Variants in ATP2B2 observed in about 807,000 individuals in gnomAD.
ATP2B2 encodes plasma membrane calcium-transporting ATPase 2.
ATP2B2 carries 15 observed loss-of-function variants against 120.0 expected under a neutral mutation model. The ratio of observed to expected loss-of-function variants is 0.12; its 90% CI spans 0.08 to 0.19. The LOEUF (loss-of-function observed/expected upper bound fraction) is 0.19, where lower values mean the gene tolerates loss of function less well. Ranked by LOEUF, ATP2B2 falls within the 10% of genes least tolerant of loss-of-function variation. The pLI is 1.00. For missense variants in ATP2B2, 1,045 were observed against 1,719.8 expected (o/e 0.61, Z 6.94); for synonymous variants, 694 against 700.3 (o/e 0.99, Z 0.14).
intron 1 of ATP2B2, among the ~76,000 whole-genome samples, chr3:10,470,027 G>A (rs1449329951): frequency 6.6e-6 from 1 of 152,058 alleles, no homozygotes; most frequent in Non-Finnish European, 1.5e-5. Context: ...GCTTAAGATA[G>A]GCAGATCTCA....
chr3:10,357,052 A>G (rs1390365180), intron 14 of ATP2B2, among the ~76,000 whole-genome samples: 1 of 151,886 alleles, frequency 6.6e-6, no homozygotes, highest in African/African-American at 2.4e-5. Context: ...ATTCTTATTC[A>G]TTCATTCCGC....
intron 3 of ATP2B2, among the ~76,000 whole-genome samples, chr3:10,403,495 C>T (rs1271485754): frequency 1.3e-5 from 2 of 152,256 alleles, no homozygotes; most frequent in Non-Finnish European, 2.9e-5. Flanking sequence ...GCCTAAGGCC[C>T]TTCCACGCCC....
At chr3:10,683,382 G>A (rs1294009653) in intron 1 of ATP2B2, among the ~76,000 whole-genome samples, 1 of 152,084 alleles carries the variant, frequency 6.6e-6, no homozygotes, top group Non-Finnish European at 1.5e-5. Context: ...TTCCTCATGG[G>A]TTGGGAAGGC....
intron 1 of ATP2B2, among the ~76,000 whole-genome samples, chr3:10,624,031 G>A (rs2069623772): frequency 6.6e-6 from 1 of 152,196 alleles, no homozygotes; most frequent in South Asian, 2.1e-4. Flanking sequence ...GGGAGCACTA[G>A]TCTTTCAAGA....
At chr3:10,486,053 G>A (rs1448529836) in intron 1 of ATP2B2, among the ~76,000 whole-genome samples, 1 of 152,178 alleles carries the variant, frequency 6.6e-6, no homozygotes, top group African/African-American at 2.4e-5. Flanking sequence ...CAGGTGCCGG[G>A]ACTCAGGCAT....
chr3:10,662,968 C>T (rs2070827573), intron 1 of ATP2B2, among the ~76,000 whole-genome samples: 1 of 151,772 alleles, frequency 6.6e-6, no homozygotes, highest in South Asian at 2.1e-4. Flanking sequence ...TGGAAACCAT[C>T]ATTCTCAGCA....
chr3:10,606,590 G>A (rs558379833), intron 2 of ATP2B2, among the ~76,000 whole-genome samples: 1 of 152,288 alleles, frequency 6.6e-6, no homozygotes, highest in South Asian at 2.1e-4. Context: ...AAGTCAGTCT[G>A]AATCCTGTGG....
intron 12 of ATP2B2, among the ~76,000 whole-genome samples, chr3:10,371,159 A>G (rs1265652399): frequency 2.6e-5 from 4 of 152,212 alleles, no homozygotes; most frequent in Non-Finnish European, 5.9e-5. Context: ...TACACTGGCC[A>G]AGAGAATGCA....
At chr3:10,382,940 C>T (rs1033123112) in intron 8 of ATP2B2, among the ~76,000 whole-genome samples, 2 of 151,858 alleles carry the variant, frequency 1.3e-5, no homozygotes, top group African/African-American at 4.8e-5. Context: ...CAAGGTTCCA[C>T]CTTGTGCCTC....
rs1289733207 is a variant in ATP2B2 at position 10,610,937 on chromosome 3, G to T, written c.-415+8980C>A. On this transcript the variant is annotated intron_variant, in intron 2 of 21. Coordinates refer to the ATP2B2 transcript ENST00000646379. ...GAGCTTCACTTGGTGACCACACGAG[G>T]TTATAACAGTGCATCCTGCCCGGCT... 2.0e-5 allele frequency among the ~76,000 whole-genome samples: 3 copies of T among 152,350 alleles called. No homozygotes were observed. The East Asian group carries it at 5.8e-4, about 29-fold the overall frequency.
rs1368412321 is a variant in ATP2B2 at position 10,517,250 on chromosome 3, G to A, written c.-320+16789C>T. ...CGAGGAGCTGAGGAAGGCTGGGGGC[G>A]GGGAACCTGCAAGTGTCACACTGGG... On this transcript the variant is annotated intron_variant, in intron 3 of 21. Coordinates refer to the ATP2B2 transcript ENST00000646379. Among the ~76,000 whole-genome samples, 5 of 152,326 alleles carry A rather than the reference G, an allele frequency of 3.3e-5. No homozygotes were observed. In the East Asian group the frequency reaches 7.7e-4, roughly 24 times the overall value.
chr3:10,558,264 T>A (rs936181153), intron 2 of ATP2B2, among the ~76,000 whole-genome samples: 2 of 152,146 alleles, frequency 1.3e-5, no homozygotes, highest in Admixed American at 1.3e-4. Flanking sequence ...GTATGATTCA[T>A]CCCAGCCTTG....
intron 1 of ATP2B2, among the ~76,000 whole-genome samples, chr3:10,477,461 C>T (rs1366132693): frequency 2.0e-5 from 3 of 152,190 alleles, no homozygotes; most frequent in Non-Finnish European, 2.9e-5. Flanking sequence ...TAAGTGCATC[C>T]TCATTGTTGC....
chr3:10,568,287 G>C (rs1453691637), intron 2 of ATP2B2, among the ~76,000 whole-genome samples: 2 of 152,164 alleles, frequency 1.3e-5, no homozygotes, highest in African/African-American at 4.8e-5. Context: ...AAGCCAGCTT[G>C]CTCATCCAGT....
chr3:10,449,042 G>A (rs894092435), intron 2 of ATP2B2, among the ~76,000 whole-genome samples: 1 of 152,232 alleles, frequency 6.6e-6, no homozygotes, highest in African/African-American at 2.4e-5. Flanking sequence ...GTAACAGAAT[G>A]TTGAACTCGC....
chr3:10,425,248 T>C (rs545922190), intron 2 of ATP2B2, among the ~76,000 whole-genome samples: 1 of 152,070 alleles, frequency 6.6e-6, no homozygotes, highest in South Asian at 2.1e-4. Context: ...AGGTGGAGGT[T>C]GCAGTGAGTC....
chr3:10,374,089 G>A (rs1236052781), intron 11 of ATP2B2, among the ~76,000 whole-genome samples: 1 of 152,194 alleles, frequency 6.6e-6, no homozygotes, highest in African/African-American at 2.4e-5. Context: ...TAAGATGAGC[G>A]AAGGTAGCGG....
chr3:10,663,865 A>C (rs1427795359), intron 1 of ATP2B2, among the ~76,000 whole-genome samples: 1 of 151,870 alleles, frequency 6.6e-6, no homozygotes, highest in Non-Finnish European at 1.5e-5. Flanking sequence ...AAGACTTTGG[A>C]CTCTTCGAAG....
At chr3:10,379,091 A>G (rs1267535757) in intron 9 of ATP2B2, 152 bp downstream of exon 9, 1 of 944,126 alleles carries the variant, frequency 1.1e-6, no homozygotes, top group Non-Finnish European at 1.7e-6. Context: ...GCACCATGCA[A>G]ATCACAGCTA....
Sources: gnomAD v4.1 joint callset for allele counts (sites outside exome capture counted in the v4.1 genomes callset) on GRCh38, gnomAD v4.1.1 for gene constraint, MANE v1.5 for transcripts, NCBI Gene and HGNC (gene_info 2026-07-23, HGNC 2026-07-21) for gene names.